ZNF487: variants seen among roughly 807,000 people sequenced by gnomAD.
ZNF487 encodes KRAB domain only 1.
Under a neutral mutation model 3.0 loss-of-function variants are expected in ZNF487, and 4 were observed. That is an observed-to-expected ratio of 1.35 (90% CI 0.66 to 3.08). The LOEUF is 3.08. Ranked by LOEUF, ZNF487 falls within the 30% of genes most tolerant of loss-of-function variation. The pLI, the probability that ZNF487 is intolerant of heterozygous loss-of-function variation, is 0.01. For missense variants in ZNF487, 146 were observed against 98.7 expected, an observed-to-expected ratio of 1.48 and a Z score of -2.03; for synonymous variants, 55 against 34.6, an observed-to-expected ratio of 1.59 and a Z score of -2.06.
intron 1 of ZNF487, among the ~76,000 whole-genome samples, chr10:43,459,147 C>CT (rs910951736): frequency 1.3e-5 from 2 of 152,118 alleles, no homozygotes; most frequent in Non-Finnish European, 2.9e-5. Context: ...GTAATTATTT[C>CT]TTTTCTGTCT....
chr10:43,475,170 C>T lies in ZNF487; in HGVS notation c.-93-551C>T, dbSNP rs192102808. 1.5e-3 allele frequency among the ~76,000 whole-genome samples: 223 copies of T among 152,272 alleles called. 1 individual carries two copies. Among genetic ancestry groups the T allele is most frequent in the African/African-American group, 5.1e-3 (212 of 41,542 alleles). ...TGGTTGGAGATTCTCCGGGGACCCT[C>T]CCTTATCTGCCTCCTGCGTCTATCA... On this transcript the variant is annotated intron_variant, in intron 1 of 3. Coordinates refer to ENST00000437590, the MANE Select transcript of ZNF487 (RefSeq NM_001355444.3).
intron 1 of ZNF487, among the ~76,000 whole-genome samples, chr10:43,461,455 G>A (rs1840429053): frequency 6.6e-6 from 1 of 152,068 alleles, no homozygotes; most frequent in African/African-American, 2.4e-5. Context: ...GAGTAGCTGG[G>A]ACTACAGGCA....
At chr10:43,520,609 G>C in the ZNF487 span, among the ~76,000 whole-genome samples, 2 of 152,220 alleles carry the variant, frequency 1.3e-5, no homozygotes, top group African/African-American at 4.8e-5. Flanking sequence ...AAGTTAAACA[G>C]TTAGAAAGAA....
rs1475521941 is a variant in ZNF487, at chr10:43,481,421, A to T, written c.131-8A>T. On this transcript the variant is annotated splice_polypyrimidine_tract_variant and splice_region_variant and intron_variant, in intron 3 of 3. Transcript: ENST00000437590. ...TTATAATCTGTGATAACTTATTATT[A>T]TTTCTAGACTGCTGCATAGATGATG... is the stretch of plus-strand genomic sequence containing the variant. 4.4e-6 allele frequency: 3 copies of T among 688,428 alleles called. No homozygotes were observed. Among genetic ancestry groups the T allele is most frequent in the Non-Finnish European group, 8.0e-6 (3 of 377,276 alleles). 42.6% of individuals were successfully genotyped at this position (688,428 alleles called of 1,614,324 possible). A position where few individuals can be genotyped will look rare whatever the true frequency, so the allele number is the denominator to read the frequency against.
chr10:43,512,662 CCAG>C, the ZNF487 span, among the ~76,000 whole-genome samples: 1 of 152,198 alleles, frequency 6.6e-6, no homozygotes, highest in East Asian at 1.9e-4. Context: ...ACTGACACCT[CCAG>C]CACCATTGGA....
Position 43,442,506 on chromosome 10 carries a change from C to T in ZNF487, c.-94+5244C>T, listed in dbSNP as rs536188741. On this transcript the variant is annotated intron_variant, in intron 1 of 3. Coordinates refer to ENST00000437590, the MANE Select transcript of ZNF487 (RefSeq NM_001355444.3). ...TCACCCAGGCTGGAGTGCAGTGGCA[C>T]GATCTCGGCTCACTGCAACCTCCAC... 1.2e-4 allele frequency among the ~76,000 whole-genome samples: 19 copies of T among 152,016 alleles called. No homozygotes were observed. In the East Asian group the frequency reaches 3.1e-3, roughly 25 times the overall value.
chr10:43,492,421 C>T, the ZNF487 span, among the ~76,000 whole-genome samples: 3 of 149,740 alleles, frequency 2.0e-5, no homozygotes, highest in Admixed American at 2.0e-4. Flanking sequence ...TGATATCAGT[C>T]CACAAACATG....
chr10:43,473,942 T>C (rs534378030), intron 1 of ZNF487, among the ~76,000 whole-genome samples: 1 of 152,062 alleles, frequency 6.6e-6, no homozygotes, highest in African/African-American at 2.4e-5. Context: ...AGCAGATTGC[T>C]AGAGCCCAGG....
chr10:43,445,892 T>C (rs1235092559), intron 1 of ZNF487, among the ~76,000 whole-genome samples: 1 of 152,160 alleles, frequency 6.6e-6, no homozygotes, highest in Non-Finnish European at 1.5e-5. Flanking sequence ...TTAATGAGCA[T>C]GCTGCCTTCA....
intron 1 of ZNF487, among the ~76,000 whole-genome samples, chr10:43,460,828 G>A (rs1840406104): frequency 6.6e-6 from 1 of 151,720 alleles, no homozygotes; most frequent in Non-Finnish European, 1.5e-5. Flanking sequence ...AAGTATCTGG[G>A]ATTACAGGCA....
intron 1 of ZNF487, among the ~76,000 whole-genome samples, chr10:43,465,621 A>C (rs1235668033): frequency 6.6e-6 from 1 of 151,114 alleles, no homozygotes; most frequent in Non-Finnish European, 1.5e-5. Flanking sequence ...CTCACTTCCT[A>C]GATGGGATGG....
rs372707710 is a variant in ZNF487 at position 43,449,213 on chromosome 10, C to T, written c.-94+11951C>T. On this transcript the variant is annotated intron_variant, in intron 1 of 3. Transcript: ENST00000437590. ...ACTTTGGAGGCTGAGGCAGGAGAATCGCTTGAACCTGGGAGGCGAAGGTTG... is the reference window on the plus strand; with the variant it reads ...ACTTTGGAGGCTGAGGCAGGAGAATTGCTTGAACCTGGGAGGCGAAGGTTG... Among the ~76,000 whole-genome samples the T allele has an allele frequency of 1.5e-3, 224 of 151,992 alleles. 1 individual carries two copies. Among genetic ancestry groups the T allele is most frequent in the African/African-American group, 5.1e-3 (210 of 41,468 alleles).
chr10:43,494,299 T>G, the ZNF487 span, among the ~76,000 whole-genome samples: 1 of 152,210 alleles, frequency 6.6e-6, no homozygotes, highest in Non-Finnish European at 1.5e-5. Context: ...TTTTTACATA[T>G]ATGTGTCCCA....
chr10:43,447,285 C>T (rs1431865487), intron 1 of ZNF487, among the ~76,000 whole-genome samples: 2 of 135,492 alleles, frequency 1.5e-5, no homozygotes, highest in Middle Eastern at 3.8e-3. Flanking sequence ...CTCTGTTGCC[C>T]AGGCTGGAGT....
intron 1 of ZNF487, among the ~76,000 whole-genome samples, chr10:43,448,553 T>G (rs2132052487): frequency 6.6e-6 from 1 of 151,656 alleles, no homozygotes; most frequent in East Asian, 2.0e-4. Context: ...CGGTGGCTCC[T>G]GCCTGTAATC....
chr10:43,476,236 C>G (rs766721391), intron 3 of ZNF487, 34 bp downstream of exon 3: 2 of 704,390 alleles, frequency 2.8e-6, no homozygotes, highest in Non-Finnish European at 5.2e-6. Flanking sequence ...GCTATAATCC[C>G]AGGGAGAAAT....
At chr10:43,518,050 T>C in the ZNF487 span, among the ~76,000 whole-genome samples, 1 of 152,190 alleles carries the variant, frequency 6.6e-6, no homozygotes, top group African/African-American at 2.4e-5. Context: ...ATACTCTCAC[T>C]ACATTTTTAG....
the ZNF487 span, among the ~76,000 whole-genome samples, chr10:43,489,949 TA>T: frequency 6.6e-6 from 1 of 152,104 alleles, no homozygotes; most frequent in Non-Finnish European, 1.5e-5. Context: ...ATGCCCCAAA[TA>T]TCCAAAGGCA....
At chr10:43,521,834 A>G in the ZNF487 span, among the ~76,000 whole-genome samples, 1 of 151,786 alleles carries the variant, frequency 6.6e-6, no homozygotes, top group South Asian at 2.1e-4. Flanking sequence ...AAAATTATAT[A>G]TGTATATTCA....
Sources: allele counts gnomAD v4.1 joint callset (sites outside exome capture counted in the v4.1 genomes callset), GRCh38; gene constraint gnomAD v4.1.1; transcripts MANE v1.5; gene names NCBI Gene and HGNC (gene_info 2026-07-23, HGNC 2026-07-21).